The following TDRD9 variants were observed in gnomAD, a reference collection of about 807,000 sequenced individuals.
TDRD9 encodes the protein tudor domain containing 9, also known as ATP-dependent RNA helicase TDRD9.
TDRD9 carries 124 observed loss-of-function variants against 172.6 expected under a neutral mutation model. The observed-to-expected ratio is 0.72, with a 90% CI of 0.62 to 0.83. TDRD9 has a LOEUF of 0.83. Among genes scored for constraint, TDRD9 ranks in the 40% least tolerant of loss-of-function variants. The pLI, the probability that TDRD9 is intolerant of heterozygous loss-of-function variation, is 0.00. For synonymous variants in TDRD9, 619 were observed against 617.1 expected (o/e 1.00, Z -0.05); for missense variants, 1,479 against 1,714.1 (o/e 0.86, Z 2.42).
intron 1 of TDRD9, among the ~76,000 whole-genome samples, chr14:103,935,981 T>A (rs1222469024): frequency 1.3e-5 from 2 of 151,876 alleles, no homozygotes; most frequent in Non-Finnish European, 2.9e-5. Flanking sequence ...TAATAATAAT[T>A]TTTTTTTACA....
chr14:103,940,550 G>T, intron 1 of TDRD9: 1 of 327,086 alleles, frequency 3.1e-6, no homozygotes, highest in Non-Finnish European at 5.6e-6. Context: ...TTCCTGTGAG[G>T]TGGGTTTGAG....
Position 104,014,861 on chromosome 14 carries a change from A to T in TDRD9, c.2223+20A>T. On this transcript the variant is annotated intron_variant, in intron 21 of 35. Transcript: ENST00000409874. ...CTACAGGTGTGCTGAAGTTTCCTGG[A>T]TATTTTTTTTCCTGATTCTTTCTGC... is the stretch of plus-strand genomic sequence containing the variant. 1 of 1,413,176 alleles carries T rather than the reference A, an allele frequency of 7.1e-7. No homozygotes were observed. Among genetic ancestry groups the T allele is most frequent in the Non-Finnish European group, 9.7e-7 (1 of 1,028,096 alleles). The allele number at this position is 1,413,176 out of a possible 1,614,324, so 87.5% of individuals were successfully genotyped here. A position where few individuals can be genotyped will look rare whatever the true frequency, so the allele number is the denominator to read the frequency against.
chr14:103,970,611 GT>G lies in TDRD9; in HGVS notation c.840del (p.Phe280LeufsTer2). 6.5e-7 allele frequency: 1 copy of G among 1,549,094 alleles called. No individual in the cohort carries two copies. The highest frequency in any genetic ancestry group is 8.7e-7 in the Non-Finnish European group (1 of 1,144,714). On this transcript the variant is annotated frameshift_variant, in exon 6 of 36. Transcript: ENST00000409874. LOFTEE classifies it high-confidence loss of function. The stretch of plus-strand genomic sequence containing the variant: ...CGCAAACTCTTAAGAACAAATTCAC[GT>G]TTTGTGAAGGTAAATTTGATTTCAT... ...VVRKLLRTNS[R>X]FVKVVLMSAT...
At chr14:104,028,273 T>G (rs1029787206) in intron 28 of TDRD9, among the ~76,000 whole-genome samples, 2 of 152,170 alleles carry the variant, frequency 1.3e-5, no homozygotes, top group Non-Finnish European at 2.9e-5. Context: ...TTCACACTGT[T>G]TTCAATAAAG....
intron 14 of TDRD9, among the ~76,000 whole-genome samples, chr14:104,004,905 A>G (rs1016640222): frequency 2.0e-5 from 3 of 152,128 alleles, no homozygotes; most frequent in South Asian, 2.1e-4. Flanking sequence ...ATGTCCCTTT[A>G]TAATGAGTAA....
At chr14:104,001,634 G>T (rs1279860091) in intron 13 of TDRD9, among the ~76,000 whole-genome samples, 1 of 152,120 alleles carries the variant, frequency 6.6e-6, no homozygotes, top group Non-Finnish European at 1.5e-5. Context: ...TTTTGACACG[G>T]AGTCTCACTC....
chr14:104,029,580 CTT>C (rs773461942), intron 28 of TDRD9, among the ~76,000 whole-genome samples: 2 of 152,072 alleles, frequency 1.3e-5, no homozygotes, highest in Non-Finnish European at 2.9e-5. Context: ...TTGGTGGAGT[CTT>C]TAGGTTTTTC....
In TDRD9 at chr14:104,026,120, T is replaced by C; in HGVS notation, c.3005T>C (p.Leu1002Pro). 1 of 1,606,202 alleles carries C rather than the reference T, an allele frequency of 6.2e-7. No homozygotes were observed. Among genetic ancestry groups the C allele is most frequent in the Non-Finnish European group, 8.5e-7 (1 of 1,172,788 alleles). ...TTGATGGAGATTCCCTGTCAATTTC[T>C]TGAACTTCCTTTCCAGGTAAGGTAG... Reference protein sequence around the residue: ...HLLMEIPCQFLELPFQALEFK... With the variant: ...HLLMEIPCQFPELPFQALEFK... Residue 1002 changes from leucine to proline, a missense_variant, in exon 27 of 36, where the codon CTT becomes CCT. By Grantham distance (98) the Leu-to-Pro change is moderately conservative. Coordinates refer to ENST00000409874, the MANE Select transcript of TDRD9 (RefSeq NM_153046.3).
At chr14:103,994,700 C>G (rs192323707) in intron 11 of TDRD9, 97 bp downstream of exon 11, 3 of 977,792 alleles carry the variant, frequency 3.1e-6, no homozygotes, top group African/African-American at 1.6e-5. Flanking sequence ...GTGGCTCATG[C>G]GTGTGTTTCC....
chr14:103,935,098 T>C (rs1306095172), intron 1 of TDRD9, among the ~76,000 whole-genome samples: 1 of 152,232 alleles, frequency 6.6e-6, no homozygotes, highest in Non-Finnish European at 1.5e-5. Context: ...ACTGCAACCC[T>C]TTCCTGGGTC....
At chr14:104,027,866 G>A (rs577695135) in intron 28 of TDRD9, among the ~76,000 whole-genome samples, 3 of 152,094 alleles carry the variant, frequency 2.0e-5, no homozygotes, top group Admixed American at 1.3e-4. Flanking sequence ...GTCTTACCCA[G>A]CGTCTAATAC....
At chr14:104,008,737 A>G (rs2034521383) in intron 20 of TDRD9, among the ~76,000 whole-genome samples, 1 of 152,012 alleles carries the variant, frequency 6.6e-6, no homozygotes, top group Admixed American at 6.6e-5. Context: ...ATCTTGTTGT[A>G]TGTCTTTTCA....
At chr14:103,995,929 A>G in intron 12 of TDRD9, 122 bp downstream of exon 12, 1 of 887,624 alleles carries the variant, frequency 1.1e-6, no homozygotes, top group South Asian at 2.0e-5. Flanking sequence ...GGAACACAGA[A>G]TTGAGAAAAG....
rs75550578 is a variant in TDRD9, at chr14:104,027,220, C to G, written c.3282+281C>G. Among the ~76,000 whole-genome samples the G allele has an allele frequency of 6.8e-3, 1,040 of 152,056 alleles. 11 individuals carry two copies. The highest frequency in any genetic ancestry group is 0.024 in the African/African-American group (997 of 41,494). On this transcript the variant is annotated intron_variant, in intron 28 of 35. Transcript: ENST00000409874. The stretch of plus-strand genomic sequence containing the variant: ...AAAAATTATTTATTTATTTATTTAA[C>G]ATATTTTTTAGTAGAGATAGGGTCT...
At chr14:103,956,146 AT>A (rs2032227513) in intron 2 of TDRD9, among the ~76,000 whole-genome samples, 1 of 114,146 alleles carries the variant, frequency 8.8e-6, no homozygotes. Context: ...ATATATATAT[AT>A]ATAATTATTA....
At position 104,027,023 on chromosome 14, in the gene TDRD9, A is replaced by G. The variant is rs2035145535; in HGVS notation, c.3282+84A>G. The stretch of plus-strand genomic sequence containing the variant: ...TTCCTTCCTCTGTGGACCCTGAGAT[A>G]GGAGGAGGCGGACAGTGTTCCTCTT... On this transcript the variant is annotated intron_variant, in intron 28 of 35. Transcript: ENST00000409874. 3 of 1,445,634 alleles carry G rather than the reference A, an allele frequency of 2.1e-6. No individual in the cohort carries two copies. In the South Asian group the frequency reaches 3.9e-5, roughly 19 times the overall value. 89.6% of individuals were successfully genotyped at this position (1,445,634 alleles called of 1,614,324 possible). A position where few individuals can be genotyped will look rare whatever the true frequency, so the allele number is the denominator to read the frequency against.
chr14:104,036,000 G>A (rs2035441324), intron 32 of TDRD9, among the ~76,000 whole-genome samples: 1 of 151,538 alleles, frequency 6.6e-6, no homozygotes, highest in Non-Finnish European at 1.5e-5. Flanking sequence ...TTTTTTAGTT[G>A]TAAGAATATT....
intron 1 of TDRD9, among the ~76,000 whole-genome samples, chr14:103,935,552 G>T (rs1384901822): frequency 1.3e-5 from 2 of 152,200 alleles, no homozygotes; most frequent in Non-Finnish European, 2.9e-5. Flanking sequence ...AGCAGTACAT[G>T]TAGGTGGTCT....
At chr14:104,031,986 T>C (rs758809326) in intron 29 of TDRD9, 31 bp from the exon 30 acceptor site, 88 of 1,464,332 alleles carry the variant, frequency 6.0e-5, no homozygotes, top group Non-Finnish European at 7.7e-5. Flanking sequence ...TCTTGCTTAT[T>C]GGTAACACTT....
Sources: allele counts gnomAD v4.1 joint callset (sites outside exome capture counted in the v4.1 genomes callset), GRCh38; gene constraint gnomAD v4.1.1; transcripts MANE v1.5; gene names NCBI Gene and HGNC (gene_info 2026-07-23, HGNC 2026-07-21).